ATG7: variants seen among roughly 807,000 people sequenced by gnomAD.
The protein encoded by ATG7 is ubiquitin-like modifier-activating enzyme ATG7.
In ATG7, 70 loss-of-function variants were observed where a neutral mutation model predicts 82.4. The observed-to-expected ratio is 0.85, with a 90% CI of 0.70 to 1.04. ATG7 has a LOEUF of 1.04. Among genes scored for constraint, ATG7 ranks in the 50% least tolerant of loss-of-function variants. The pLI is 0.00. For missense variants in ATG7, 792 were observed against 864.3 expected (o/e 0.92, Z 1.05); for synonymous variants, 287 against 313.0 (o/e 0.92, Z 0.88).
At chr3:11,312,746 G>A (rs1169563826) in intron 7 of ATG7, among the ~76,000 whole-genome samples, 1 of 152,246 alleles carries the variant, frequency 6.6e-6, no homozygotes, top group Non-Finnish European at 1.5e-5. Flanking sequence ...GAATAGCACA[G>A]CTTCCTTAAT....
At chr3:11,403,360 G>T (rs1395201979) in intron 19 of ATG7, among the ~76,000 whole-genome samples, 1 of 151,760 alleles carries the variant, frequency 6.6e-6, no homozygotes, top group Non-Finnish European at 1.5e-5. Flanking sequence ...TCTCTTAAGG[G>T]TATTGGGGGA....
At chr3:11,412,358 T>A (rs2080993062) in intron 19 of ATG7, among the ~76,000 whole-genome samples, 1 of 150,842 alleles carries the variant, frequency 6.6e-6, no homozygotes, top group Non-Finnish European at 1.5e-5. Context: ...AGCAGAAGGG[T>A]CAATTTCCAT....
At chr3:11,500,669 C>T (rs775632762) in intron 20 of ATG7, among the ~76,000 whole-genome samples, 18 of 152,138 alleles carry the variant, frequency 1.2e-4, no homozygotes, top group Non-Finnish European at 2.1e-4. Context: ...TTGTCTGAGA[C>T]GGAGTTTTGC....
Position 11,478,989 on chromosome 3 carries a change from A to AACACAC in ATG7, c.2079+52109_2079+52114dup, listed in dbSNP as rs71628717. Among the ~76,000 whole-genome samples, 394 of 72,948 alleles carry AACACAC rather than the reference A, an allele frequency of 5.4e-3. 6 individuals are homozygous for AACACAC. Among genetic ancestry groups the AACACAC allele is most frequent in the South Asian group, 5.7e-3 (8 of 1,408 alleles). The allele number at this position is 72,948 out of a possible 152,430, so 47.9% of individuals were successfully genotyped here. A position where few individuals can be genotyped will look rare whatever the true frequency, so the allele number is the denominator to read the frequency against. ...TTTGAATATGTGCCTGTATATTTAC[A>AACACAC]ACACACACACACACACACACACACA... is the stretch of plus-strand genomic sequence containing the variant. On this transcript the variant is annotated intron_variant, in intron 20 of 20. Transcript: ENST00000693202.
At chr3:11,336,126 G>C (rs922131249) in intron 11 of ATG7, among the ~76,000 whole-genome samples, 5 of 150,696 alleles carry the variant, frequency 3.3e-5, no homozygotes, top group Non-Finnish European at 7.4e-5. Flanking sequence ...TGCAATCCTG[G>C]GTTCAAAAGC....
At chr3:11,475,868 GACACACACACACACACAC>G (rs3219674) in intron 20 of ATG7, among the ~76,000 whole-genome samples, 2 of 111,128 alleles carry the variant, frequency 1.8e-5, no homozygotes, top group African/African-American at 3.6e-5. Flanking sequence ...CTGTCTCTGA[GACACACACACACACACAC>G]ACACACACAC....
downstream of ATG7, chr3:11,558,452 CTT>C: frequency 7.4e-7 from 1 of 1,355,790 alleles, no homozygotes; most frequent in South Asian, 1.4e-5. Context: ...CATCCCTTCC[CTT>C]CCCCCCACCC....
intron 11 of ATG7, among the ~76,000 whole-genome samples, 162 bp from the exon 12 acceptor site, chr3:11,340,483 G>A (rs17475571): frequency 0.024 from 3,607 of 152,182 alleles, 53 homozygotes; most frequent in Non-Finnish European, 0.038. Flanking sequence ...CAAGTCTGTG[G>A]AAATTCAGGC....
At chr3:11,434,605 C>T (rs2083202280) in intron 20 of ATG7, among the ~76,000 whole-genome samples, 1 of 152,236 alleles carries the variant, frequency 6.6e-6, no homozygotes, top group South Asian at 2.1e-4. Flanking sequence ...GGCAGTATCT[C>T]ACTTATAACT....
chr3:11,434,688 G>A (rs763663462), intron 20 of ATG7, among the ~76,000 whole-genome samples: 5 of 152,186 alleles, frequency 3.3e-5, no homozygotes, highest in African/African-American at 7.2e-5. Flanking sequence ...TGGATAAATC[G>A]TTATTGGGGA....
chr3:11,503,755 C>CA (rs34065629), intron 20 of ATG7, among the ~76,000 whole-genome samples: 33,087 of 76,926 alleles, frequency 0.43, 7,413 homozygotes, highest in Middle Eastern at 0.52. Context: ...GACTCTGTCT[C>CA]AAAAAAAAAA....
chr3:11,519,857 A>C (rs916154077), intron 20 of ATG7, among the ~76,000 whole-genome samples: 1 of 151,970 alleles, frequency 6.6e-6, no homozygotes, highest in Non-Finnish European at 1.5e-5. Flanking sequence ...CACCATGCCC[A>C]GCCGAGAGGA....
intron 20 of ATG7, among the ~76,000 whole-genome samples, chr3:11,451,921 A>G (rs2152986336): frequency 6.6e-6 from 1 of 151,996 alleles, no homozygotes; most frequent in African/African-American, 2.4e-5. Flanking sequence ...ACACACACAT[A>G]TACATATCTC....
At chr3:11,491,315 A>C (rs1018122465) in intron 20 of ATG7, among the ~76,000 whole-genome samples, 79 of 152,124 alleles carry the variant, frequency 5.2e-4, no homozygotes, top group Non-Finnish European at 9.0e-4. Flanking sequence ...CTTGGCTTTC[A>C]GCTCCATCAG....
the ATG7 span, among the ~76,000 whole-genome samples, chr3:11,574,936 T>C: frequency 5.9e-5 from 9 of 151,962 alleles, no homozygotes; most frequent in Non-Finnish European, 1.2e-4. Flanking sequence ...GGGAAGAAGC[T>C]TGTCGGCCGA....
chr3:11,542,526 T>A (rs2070916688), intron 20 of ATG7, among the ~76,000 whole-genome samples: 1 of 152,098 alleles, frequency 6.6e-6, no homozygotes, highest in South Asian at 2.1e-4. Context: ...CAGATGTACC[T>A]TGCCATGGGC....
chr3:11,568,623 T>C, the ATG7 span: 1 of 1,569,890 alleles, frequency 6.4e-7, no homozygotes, highest in South Asian at 1.2e-5. The surrounding 1 kb of genome is among the most constrained non-coding windows in gnomAD (Gnocchi z 5.9). Flanking sequence ...CTCATTTTCC[T>C]GGTTCCCGGA....
intron 19 of ATG7, among the ~76,000 whole-genome samples, chr3:11,412,174 A>T (rs1338066647): frequency 2.0e-5 from 3 of 152,138 alleles, no homozygotes; most frequent in East Asian, 3.9e-4. Flanking sequence ...GCAGGGAGGA[A>T]ACATAACAAT....
chr3:11,416,023 A>G (rs1479084969), intron 19 of ATG7, among the ~76,000 whole-genome samples: 1 of 152,316 alleles, frequency 6.6e-6, no homozygotes, highest in Non-Finnish European at 1.5e-5. Flanking sequence ...TTTCGGCTCC[A>G]TTATAATCTG....
Sources: allele counts gnomAD v4.1 joint callset (sites outside exome capture counted in the v4.1 genomes callset), GRCh38; gene constraint gnomAD v4.1.1; non-coding constraint Gnocchi (gnomAD v3.1); transcripts MANE v1.5; gene names NCBI Gene and HGNC (gene_info 2026-07-23, HGNC 2026-07-21).